The following ARK2C variants were observed in gnomAD, a reference collection of about 807,000 sequenced individuals.
The protein encoded by ARK2C is arkadia (RNF111) C-terminal like ring finger ubiquitin ligase 2C.
chr18:46,387,870 C>A, the ARK2C span, among the ~76,000 whole-genome samples: 3 of 152,240 alleles, frequency 2.0e-5, no homozygotes, highest in African/African-American at 4.8e-5. Flanking sequence ...TGCAGGGCAA[C>A]GCAGGCTGCC....
the ARK2C span, among the ~76,000 whole-genome samples, chr18:46,366,951 TTAGGGCCCAGTCATCC>T: frequency 6.6e-6 from 1 of 152,190 alleles, no homozygotes; most frequent in African/African-American, 2.4e-5. Flanking sequence ...TAACACTGGC[TTAGGGCCCAGTCATCC>T]CGTTGGACTT....
the ARK2C span, among the ~76,000 whole-genome samples, chr18:46,417,243 T>A: frequency 6.6e-6 from 1 of 152,236 alleles, no homozygotes; most frequent in African/African-American, 2.4e-5. Flanking sequence ...TACCTTTGCC[T>A]TCTGCAGCCT....
At chr18:46,436,868 A>T in the ARK2C span, among the ~76,000 whole-genome samples, 1 of 152,192 alleles carries the variant, frequency 6.6e-6, no homozygotes, top group Non-Finnish European at 1.5e-5. Flanking sequence ...ATTTAATTCA[A>T]TTCAGCACAC....
chr18:46,377,463 G>C, the ARK2C span, among the ~76,000 whole-genome samples: 1 of 152,172 alleles, frequency 6.6e-6, no homozygotes, highest in African/African-American at 2.4e-5. Flanking sequence ...AGAACCCACA[G>C]GAAGGTGCTT....
the ARK2C span, among the ~76,000 whole-genome samples, chr18:46,445,913 T>C: frequency 1.3e-5 from 2 of 151,444 alleles, no homozygotes; most frequent in Admixed American, 6.6e-5. Flanking sequence ...TTTTTTTTTT[T>C]TCTCCAATGT....
At chr18:46,396,680 T>C in the ARK2C span, among the ~76,000 whole-genome samples, 1 of 152,230 alleles carries the variant, frequency 6.6e-6, no homozygotes, top group African/African-American at 2.4e-5. Context: ...CTTCTCGGCC[T>C]GGCTGTCGGG....
At chr18:46,414,495 C>T in the ARK2C span, among the ~76,000 whole-genome samples, 1 of 152,218 alleles carries the variant, frequency 6.6e-6, no homozygotes, top group African/African-American at 2.4e-5. Flanking sequence ...ACAGGTGCCA[C>T]AACATGCATG....
At chr18:46,402,887 C>G in the ARK2C span, among the ~76,000 whole-genome samples, 1 of 152,226 alleles carries the variant, frequency 6.6e-6, no homozygotes, top group African/African-American at 2.4e-5. Flanking sequence ...CTCTAGTATT[C>G]TGAACCTTCC....
the ARK2C span, among the ~76,000 whole-genome samples, chr18:46,407,557 T>TTTTTGTTTTGTTTTG: frequency 1.3e-5 from 2 of 152,180 alleles, no homozygotes; most frequent in Non-Finnish European, 2.9e-5. Flanking sequence ...GTTTAGTGTT[T>TTTTTGTTTTGTTTTG]TTTTGTTTTG....
the ARK2C span, among the ~76,000 whole-genome samples, chr18:46,371,979 C>T: frequency 6.6e-6 from 1 of 152,206 alleles, no homozygotes; most frequent in African/African-American, 2.4e-5. Flanking sequence ...AGACTTGGTC[C>T]CATGTCACTT....
the ARK2C span, among the ~76,000 whole-genome samples, chr18:46,349,070 G>A: frequency 9.2e-5 from 14 of 152,082 alleles, no homozygotes; most frequent in East Asian, 1.9e-4. Context: ...TGGAGGTAGG[G>A]AGACTGAGAA....
the ARK2C span, among the ~76,000 whole-genome samples, chr18:46,438,168 G>T: frequency 6.6e-6 from 1 of 152,248 alleles, no homozygotes; most frequent in Admixed American, 6.5e-5. Context: ...ACAGTTCTGG[G>T]TTAACCCTGT....
chr18:46,426,753 T>TA, the ARK2C span, among the ~76,000 whole-genome samples: 19 of 152,354 alleles, frequency 1.2e-4, no homozygotes, highest in East Asian at 2.1e-3. Flanking sequence ...CCCTACTCCC[T>TA]AAAAATATTA....
At chr18:46,376,572 C>T in the ARK2C span, among the ~76,000 whole-genome samples, 1 of 151,504 alleles carries the variant, frequency 6.6e-6, no homozygotes, top group Non-Finnish European at 1.5e-5. Context: ...TGGGATGTTG[C>T]AAGATTATGC....
At chr18:46,336,267 A>G in the ARK2C span, 1 of 985,290 alleles carries the variant, frequency 1.0e-6, no homozygotes, top group Non-Finnish European at 1.2e-6. Flanking sequence ...CATCCTCATT[A>G]ATACCACCAA....
chr18:46,431,953 GCTTT>G, the ARK2C span, among the ~76,000 whole-genome samples: 649 of 152,296 alleles, frequency 4.3e-3, 2 homozygotes, highest in Middle Eastern at 6.8e-3. Context: ...TCCTCCATCT[GCTTT>G]CTTTTTCTTC....
chr18:46,387,739 T>C, the ARK2C span, among the ~76,000 whole-genome samples: 3,645 of 152,372 alleles, frequency 0.024, 141 homozygotes, highest in African/African-American at 0.083. Flanking sequence ...GAGAAGCTTC[T>C]AGTCTTCATC....
the ARK2C span, among the ~76,000 whole-genome samples, chr18:46,343,275 G>A: frequency 2.0e-5 from 3 of 152,158 alleles, no homozygotes; most frequent in African/African-American, 7.2e-5. Context: ...GAGAAGGCTG[G>A]GGAAAGGAAT....
the ARK2C span, among the ~76,000 whole-genome samples, chr18:46,410,569 C>T: frequency 6.6e-6 from 1 of 152,238 alleles, no homozygotes; most frequent in African/African-American, 2.4e-5. Flanking sequence ...TCAATTTCGT[C>T]CCAGGAAGAT....
Sources: gnomAD v4.1 joint callset for allele counts (sites outside exome capture counted in the v4.1 genomes callset) on GRCh38, gnomAD v4.1.1 for gene constraint, MANE v1.5 for transcripts, NCBI Gene and HGNC (gene_info 2026-07-23, HGNC 2026-07-21) for gene names.